PCM1: variants seen among roughly 807,000 people sequenced by gnomAD.
PCM1 encodes pericentriolar material 1, also known as pericentriolar material 1 protein.
PCM1 carries 157 observed loss-of-function variants against 241.9 expected under a neutral mutation model. The ratio of observed to expected loss-of-function variants is 0.65; its 90% CI spans 0.57 to 0.74. The LOEUF (loss-of-function observed/expected upper bound fraction) is 0.74. Among genes scored for constraint, PCM1 ranks in the 30% least tolerant of loss-of-function variants. The pLI, the probability that PCM1 is intolerant of heterozygous loss-of-function variation, is 0.00. For missense variants in PCM1, 3,478 were observed against 2,360.1 expected, an observed-to-expected ratio of 1.47 and a Z score of -9.81; for synonymous variants, 1,085 against 784.9, an observed-to-expected ratio of 1.38 and a Z score of -6.39.
chr8:17,984,069 T>C (rs2081832509), intron 24 of PCM1, among the ~76,000 whole-genome samples: 2 of 152,120 alleles, frequency 1.3e-5, no homozygotes, highest in Non-Finnish European at 2.9e-5. Context: ...TGGCATAAAC[T>C]TTCCACCTCT....
At chr8:17,933,085 G>T (rs748476252) in intron 2 of PCM1, among the ~76,000 whole-genome samples, 1 of 152,146 alleles carries the variant, frequency 6.6e-6, no homozygotes, top group Non-Finnish European at 1.5e-5. Flanking sequence ...TTTCAAATCT[G>T]TTAGCAAATT....
intron 36 of PCM1, among the ~76,000 whole-genome samples, chr8:18,019,003 C>T (rs1414208077): frequency 6.6e-6 from 1 of 150,970 alleles, no homozygotes; most frequent in East Asian, 1.9e-4. Flanking sequence ...CCTGCTATTC[C>T]AAATCCTAAC....
intron 34 of PCM1, chr8:18,013,703 GA>G (rs199539814): frequency 9.9e-5 from 32 of 321,696 alleles, no homozygotes; most frequent in South Asian, 2.2e-4. Flanking sequence ...TTTAGAGTCT[GA>G]AAAAAAATGA....
intron 1 of PCM1, among the ~76,000 whole-genome samples, chr8:17,924,163 G>C (rs540897944): frequency 6.6e-6 from 1 of 152,050 alleles, no homozygotes; most frequent in Admixed American, 6.6e-5. Context: ...TTACCGGAGT[G>C]GGTGTTGCAG....
chr8:17,969,663 G>T lies in PCM1; in HGVS notation c.3499G>T (p.Ala1167Ser). Residue 1167 changes from alanine (A) to serine (S), a missense_variant, in exon 22 of 39, where the codon GCC becomes TCC. By Grantham distance (99) the Ala-to-Ser change is moderately conservative. Transcript: ENST00000325083. ...ACCCAGTGAACAGCAGCAACCCTTA[G>T]CCCAGAATTCTTCAGGAAAAACAGA... ...STPSEQQQPL[A>S]QNSSGKTEYM... The T allele has an allele frequency of 6.2e-7, 1 of 1,612,734 alleles. No homozygotes were observed. The highest frequency in any genetic ancestry group is 2.2e-5 in the East Asian group (1 of 44,814).
At chr8:18,004,565 A>G (rs759983420) in intron 29 of PCM1, among the ~76,000 whole-genome samples, 2 of 152,236 alleles carry the variant, frequency 1.3e-5, no homozygotes, top group African/African-American at 4.8e-5. Flanking sequence ...GTCTGAGGCC[A>G]GTAAAGAGTA....
At chr8:18,016,268 A>G (rs1419108561) in intron 36 of PCM1, among the ~76,000 whole-genome samples, 1 of 127,370 alleles carries the variant, frequency 7.9e-6, no homozygotes, top group Non-Finnish European at 1.9e-5. Flanking sequence ...TGGCAGCCTC[A>G]GGTAGGTGAG....
At chr8:17,997,984 C>T (rs186912445) in intron 29 of PCM1, among the ~76,000 whole-genome samples, 78 of 150,596 alleles carry the variant, frequency 5.2e-4, no homozygotes, top group Non-Finnish European at 9.9e-4. Context: ...TGCAGTGAGC[C>T]GAGATTGTGC....
Position 17,989,973 on chromosome 8 carries a change from G to A in PCM1, c.4525G>A (p.Asp1509Asn). Reference sequence around the variant, plus strand: ...AAATTTTGAGCCTTTTGCAACAGATGATCTAGGTAAGCAGAATTGTTTATA... The same window carrying A: ...AAATTTTGAGCCTTTTGCAACAGATAATCTAGGTAAGCAGAATTGTTTATA... ...SSNFEPFATDDLGNTVIHLDQ... is the reference protein window; with the variant it reads ...SSNFEPFATDNLGNTVIHLDQ... The change falls in exon 27 of 39, where the codon GAT (aspartate) becomes AAT (asparagine). Residue 1509 changes from aspartate (D) to asparagine (N), a missense_variant. Physicochemically the swap from Asp to Asn is conservative, Grantham distance 23. Transcript: ENST00000325083. 6.5e-7 allele frequency: 1 copy of A among 1,530,234 alleles called. No individual in the cohort carries two copies. Among genetic ancestry groups the A allele is most frequent in the Non-Finnish European group, 8.8e-7 (1 of 1,137,640 alleles). The allele number at this position is 1,530,234 out of a possible 1,614,324, so 94.8% of individuals were successfully genotyped here.
rs1242453344 is a variant in PCM1, at chr8:17,957,665, A to C, written c.1930A>C (p.Ser644Arg). The C allele has an allele frequency of 1.9e-6, 3 of 1,606,834 alleles. No homozygotes were observed. The highest frequency in any genetic ancestry group is 2.6e-6 in the Non-Finnish European group (3 of 1,175,954). ...SGASLSSHRS[S>R]LVDEHPEDAE... ...AGCTTCATTATCTAGTCACAGGAGC[A>C]GTCTGGTTGATGAGCATCCAGAAGA... Residue 644 changes from serine (S) to arginine (R), a missense_variant, in exon 13 of 39, where the codon AGT becomes CGT. Transcript: ENST00000325083.
chr8:17,986,093 C>A lies in PCM1; in HGVS notation c.4410+6C>A. On this transcript the variant is annotated splice_donor_region_variant and intron_variant, in intron 26 of 38. Coordinates refer to ENST00000325083, the MANE Select transcript of PCM1 (RefSeq NM_006197.4). ...GCCTTGCTACTACTGATGATGTAAG[C>A]TGATAATGATTAGTGAATTGTAGAT... The A allele has an allele frequency of 1.3e-6, 2 of 1,544,702 alleles. No individual in the cohort carries two copies. The highest frequency in any genetic ancestry group is 1.3e-5 in the South Asian group (1 of 77,602).
At chr8:18,023,867 A>C (rs1426987959) in intron 36 of PCM1, among the ~76,000 whole-genome samples, 4 of 152,224 alleles carry the variant, frequency 2.6e-5, no homozygotes, top group Admixed American at 6.5e-5. Context: ...CTGAATCCCA[A>C]CATAACTTTT....
chr8:18,025,036 C>G (rs1342457370), intron 36 of PCM1: 4 of 209,204 alleles, frequency 1.9e-5, no homozygotes, highest in African/African-American at 9.4e-5. Context: ...GGGTACAGCT[C>G]TCGTGTTCAG....
At position 17,980,530 on chromosome 8, in the gene PCM1, G is replaced by T. The variant is rs866389889; in HGVS notation, c.3944-61G>T. 7.8e-6 allele frequency: 11 copies of T among 1,409,918 alleles called. No homozygotes were observed. The Middle Eastern group carries it at 1.6e-3, about 211-fold the overall frequency. The allele number at this position is 1,409,918 out of a possible 1,614,324, so 87.3% of individuals were successfully genotyped here. The stretch of plus-strand genomic sequence containing the variant: ...CCTGTACTGTTACACAATGGAAACC[G>T]ATTTCCCTTTTAGTTTGAGTTAGTT... On this transcript the variant is annotated intron_variant, in intron 23 of 38. Transcript: ENST00000325083.
At chr8:18,011,072 A>T (rs1309282533) in intron 32 of PCM1, among the ~76,000 whole-genome samples, 165 bp from the exon 33 acceptor site, 1 of 152,192 alleles carries the variant, frequency 6.6e-6, no homozygotes, top group Non-Finnish European at 1.5e-5. Context: ...TCATCAAATG[A>T]CCTTTTTCCT....
intron 36 of PCM1, among the ~76,000 whole-genome samples, chr8:18,023,754 A>G (rs2093947034): frequency 6.6e-6 from 1 of 152,196 alleles, no homozygotes; most frequent in Admixed American, 6.5e-5. Context: ...TTTGTGCTTT[A>G]TATCCCCACA....
chr8:18,004,054 A>G (rs970908489), intron 29 of PCM1, among the ~76,000 whole-genome samples: 3 of 152,100 alleles, frequency 2.0e-5, no homozygotes, highest in African/African-American at 7.2e-5. Flanking sequence ...AGGGTTAAAA[A>G]AAAAGCCTAA....
In PCM1 at chr8:17,960,018, A is replaced by T; in HGVS notation, c.2045A>T (p.Asp682Val). The change falls in exon 14 of 39, where the codon GAT becomes GTT. Residue 682 changes from aspartate to valine, a missense_variant. Asp to Val is a radical substitution (Grantham distance 152, BLOSUM62 -3). Coordinates refer to ENST00000325083, the MANE Select transcript of PCM1 (RefSeq NM_006197.4). ...AATGTAATGATGCTCTTTCAGGATG[A>T]TGATGCAGCTCAAGGAGTTATCTCT... ...LQDLVAMVQD[D>V]DAAQGVISAS... The T allele has an allele frequency of 6.2e-7, 1 of 1,612,408 alleles. No homozygotes were observed. The highest frequency in any genetic ancestry group is 8.5e-7 in the Non-Finnish European group (1 of 1,179,212).
intron 28 of PCM1, among the ~76,000 whole-genome samples, chr8:17,992,208 C>T (rs1262904673): frequency 1.3e-5 from 2 of 152,278 alleles, no homozygotes; most frequent in Admixed American, 6.5e-5. Context: ...TAAACATGCA[C>T]GTGCAAGTAT....
Sources: allele counts gnomAD v4.1 joint callset (sites outside exome capture counted in the v4.1 genomes callset), GRCh38; gene constraint gnomAD v4.1.1; transcripts MANE v1.5; gene names NCBI Gene and HGNC (gene_info 2026-07-23, HGNC 2026-07-21).